Variants in RPS6KA4 observed in about 807,000 individuals in gnomAD.
RPS6KA4 encodes ribosomal protein S6 kinase alpha-4.
In RPS6KA4, 38 loss-of-function variants were observed where a neutral mutation model predicts 89.6. That is an observed-to-expected ratio of 0.42 (90% CI 0.33 to 0.56). RPS6KA4 has a LOEUF of 0.56. Ranked by LOEUF, RPS6KA4 falls within the 20% of genes least tolerant of loss-of-function variation. The probability of loss-of-function intolerance (pLI) is 0.07; values close to 1 mark genes in which losing one functional copy is unlikely to be tolerated. For missense variants in RPS6KA4, 873 were observed against 1,098.8 expected (o/e 0.79, Z 2.90); for synonymous variants, 495 against 492.8 (o/e 1.00, Z -0.06).
rs1017388898 is a variant in RPS6KA4 at position 64,370,694 on chromosome 11, G to A, written c.2089G>A (p.Ala697Thr). Residue 697 changes from alanine to threonine, a missense_variant, in exon 16 of 17, where the codon GCA becomes ACA. Physicochemically the swap from Ala to Thr is moderately conservative, Grantham distance 58. Transcript: ENST00000334205. The surrounding 1 kb of genome is among the most constrained non-coding windows in gnomAD (Gnocchi z 4.1). ...CGACGTGCTCGAGTCCTCTGGGCCC[G>A]CAGTGCGCTCGGGTCTCAACGCCAC... The part of the protein sequence containing the change: ...TPDVLESSGP[A>T]VRSGLNATFM... 2.5e-6 allele frequency: 4 copies of A among 1,569,672 alleles called. No homozygotes were observed. Among genetic ancestry groups the A allele is most frequent in the Non-Finnish European group, 3.4e-6 (4 of 1,163,258 alleles).
intron 2 of RPS6KA4, 46 bp downstream of exon 2, chr11:64,359,495 C>T: frequency 5.0e-6 from 8 of 1,594,124 alleles, no homozygotes; most frequent in Non-Finnish European, 6.0e-6. Flanking sequence ...CGCGGTGCCC[C>T]TGACCTCCTG....
chr11:64,359,579 T>C, intron 2 of RPS6KA4, 130 bp downstream of exon 2: 1 of 904,224 alleles, frequency 1.1e-6, no homozygotes, highest in Non-Finnish European at 1.7e-6. Flanking sequence ...CTGCCTTGCC[T>C]GCCCCGCCCT....
chr11:64,360,413 G>T, intron 3 of RPS6KA4, 32 bp downstream of exon 3: 1 of 1,565,680 alleles, frequency 6.4e-7, no homozygotes, highest in Non-Finnish European at 8.7e-7. Flanking sequence ...ACGGGGTTGG[G>T]GTGGCTGGGG....
rs2036757719 is a variant in RPS6KA4, at chr11:64,361,784, C to T, written c.755+39C>T. Reference sequence around the variant, plus strand: ...GACGTGGAGGGCGGCCAGAGGGCTGCAGGGCCTGCCTGGGCAGGGCTGTGG... The same window carrying T: ...GACGTGGAGGGCGGCCAGAGGGCTGTAGGGCCTGCCTGGGCAGGGCTGTGG... On this transcript the variant is annotated intron_variant, in intron 7 of 16. Coordinates refer to ENST00000334205, the MANE Select transcript of RPS6KA4 (RefSeq NM_003942.3). The surrounding 1 kb of genome is among the most constrained non-coding windows in gnomAD (Gnocchi z 4.7). The T allele has an allele frequency of 1.9e-6, 3 of 1,586,012 alleles. No homozygotes were observed. The highest frequency in any genetic ancestry group is 1.7e-6 in the Non-Finnish European group (2 of 1,168,510).
At position 64,359,359 on chromosome 11, in the gene RPS6KA4, T is replaced by A; in HGVS notation, c.56-19T>A. 2 of 1,612,158 alleles carry A rather than the reference T, an allele frequency of 1.2e-6. No individual in the cohort carries two copies. The highest frequency in any genetic ancestry group is 1.7e-6 in the Non-Finnish European group (2 of 1,179,484). On this transcript the variant is annotated intron_variant, in intron 1 of 16. Transcript: ENST00000334205. Reference sequence around the variant, plus strand: ...CGGGTCATGGACCGGCTGGGCTCATTCGCCCCCTGTGCCCACAGCCAACCT... The same window carrying A: ...CGGGTCATGGACCGGCTGGGCTCATACGCCCCCTGTGCCCACAGCCAACCT...
chr11:64,371,270 T>G lies in RPS6KA4; in HGVS notation c.2122-13T>G. ...GGCGGGGGTGGGGGCACTCACCCTTTCCTTTCTGCCAGGCATTCAACCGGG... is the reference window on the plus strand; with the variant it reads ...GGCGGGGGTGGGGGCACTCACCCTTGCCTTTCTGCCAGGCATTCAACCGGG... On this transcript the variant is annotated splice_polypyrimidine_tract_variant and intron_variant, in intron 16 of 16. Transcript: ENST00000334205. 1 of 1,611,878 alleles carries G rather than the reference T, an allele frequency of 6.2e-7. No homozygotes were observed. The highest frequency in any genetic ancestry group is 8.5e-7 in the Non-Finnish European group (1 of 1,179,420).
rs1042987657 is a variant in RPS6KA4 at position 64,371,704 on chromosome 11, G to A, written c.*224G>A. ...AAGGGGGGGCCTGCTGGGGAGTGGG[G>A]TTTGGGGGGCCCTCTCCCAGGACAC... is the stretch of plus-strand genomic sequence containing the variant. On this transcript the variant is annotated 3_prime_UTR_variant, in exon 17 of 17. Coordinates refer to ENST00000334205, the MANE Select transcript of RPS6KA4 (RefSeq NM_003942.3). 2.1e-6 allele frequency: 1 copy of A among 465,760 alleles called. No individual in the cohort carries two copies. The highest frequency in any genetic ancestry group is 2.0e-5 in the African/African-American group (1 of 49,242). The allele number at this position is 465,760 out of a possible 1,614,324, so 28.9% of individuals were successfully genotyped here. A position where few individuals can be genotyped will look rare whatever the true frequency, so the allele number is the denominator to read the frequency against.
intron 3 of RPS6KA4, 25 bp downstream of exon 3, chr11:64,360,406 G>T (rs554467937): frequency 9.0e-6 from 14 of 1,561,076 alleles, no homozygotes; most frequent in Middle Eastern, 1.7e-4. Context: ...CATCCCAACG[G>T]GGTTGGGGTG....
At chr11:64,367,483 G>T (rs1481728830) in intron 9 of RPS6KA4, among the ~76,000 whole-genome samples, 1 of 152,138 alleles carries the variant, frequency 6.6e-6, no homozygotes, top group Admixed American at 6.6e-5. Flanking sequence ...GCTAATTTTT[G>T]TATTATTAGT....
chr11:64,362,773 C>T (rs184299243), intron 8 of RPS6KA4, among the ~76,000 whole-genome samples: 9 of 152,304 alleles, frequency 5.9e-5, no homozygotes, highest in South Asian at 2.1e-4. Context: ...GGGGTTCAAG[C>T]GATTTTCCTG....
intron 8 of RPS6KA4, among the ~76,000 whole-genome samples, chr11:64,362,352 C>T (rs553196055): frequency 6.6e-6 from 1 of 152,352 alleles, no homozygotes; most frequent in Admixed American, 6.5e-5. Context: ...GATAGATCTC[C>T]TGCTGGTCCA....
chr11:64,368,219 C>T lies in RPS6KA4; in HGVS notation c.1159C>T (p.Arg387Trp), dbSNP rs151034403. The T allele has an allele frequency of 3.0e-4, 486 of 1,613,574 alleles. 3 individuals are homozygous for T. Among genetic ancestry groups the T allele is most frequent in the Non-Finnish European group, 2.3e-4 (271 of 1,180,012 alleles). Residue 387 changes from arginine (R) to tryptophan (W), a missense_variant, in exon 10 of 17, where the codon CGG becomes TGG. Transcript: ENST00000334205. The stretch of plus-strand genomic sequence containing the variant: ...GCTGGAAGCGCCTGGTGCTGGAGAC[C>T]GGCCAGGTCGGGCAGCGGTGGCCAG... ...DGLEAPGAGD[R>W]PGRAAVARSA... is the part of the protein sequence containing the mutation.
At chr11:64,371,152 G>T (rs1324652040) in intron 16 of RPS6KA4, 131 bp from the exon 17 acceptor site, 2 of 754,936 alleles carry the variant, frequency 2.6e-6, no homozygotes, top group South Asian at 1.8e-5. Context: ...TCCGGTGGTC[G>T]GTCTGGAGGC....
At position 64,370,027 on chromosome 11, in the gene RPS6KA4, G is replaced by A; in HGVS notation, c.1797+134G>A. The A allele has an allele frequency of 1.7e-6, 2 of 1,155,382 alleles. No individual in the cohort carries two copies. The highest frequency in any genetic ancestry group is 2.4e-6 in the Non-Finnish European group (2 of 845,354). 71.6% of individuals were successfully genotyped at this position (1,155,382 alleles called of 1,614,324 possible). A position where few individuals can be genotyped will look rare whatever the true frequency, so the allele number is the denominator to read the frequency against. ...GGGTTTCGTCCGAAGCTGGGATCGG[G>A]GTGGTTCAAATACAGAGGTGGGGTC... On this transcript the variant is annotated intron_variant, in intron 14 of 16. Transcript: ENST00000334205. The surrounding 1 kb of genome is among the most constrained non-coding windows in gnomAD (Gnocchi z 4.1).
chr11:64,369,661 G>C (rs375995144), intron 13 of RPS6KA4, 38 bp from the exon 14 acceptor site: 2 of 1,599,330 alleles, frequency 1.3e-6, no homozygotes, highest in African/African-American at 1.3e-5. Flanking sequence ...CGGTGGCGCC[G>C]GGGGCTGCCT....
chr11:64,368,372 TA>T (rs919494264), intron 10 of RPS6KA4, 95 bp from the exon 11 acceptor site: 10 of 1,545,368 alleles, frequency 6.5e-6, no homozygotes, highest in African/African-American at 1.4e-5. Flanking sequence ...AGCAAGGTCC[TA>T]AGCCTCTCCG....
In RPS6KA4 at chr11:64,365,443, C is replaced by T. The variant is rs141809902; in HGVS notation, c.1049C>T (p.Pro350Leu). 3.5e-4 allele frequency: 570 copies of T among 1,613,982 alleles called. 2 individuals carry two copies. The African/African-American group carries it at 6.3e-3, about 18-fold the overall frequency. Reference sequence around the variant, plus strand: ...TACTCACCCCCTGGCAGCCCCCCACCTGGGGACCCCCGAATCTTTCAGGTG... The same window carrying T: ...TACTCACCCCCTGGCAGCCCCCCACTTGGGGACCCCCGAATCTTTCAGGTG... ...PVYSPPGSPPPGDPRIFQGYS... is the reference protein window; with the variant it reads ...PVYSPPGSPPLGDPRIFQGYS... The change falls in exon 9 of 17, where the codon CCT becomes CTT. Residue 350 changes from proline (P) to leucine (L), a missense_variant. Physicochemically the swap from Pro to Leu is moderately conservative, Grantham distance 98. Coordinates refer to ENST00000334205, the MANE Select transcript of RPS6KA4 (RefSeq NM_003942.3).
In RPS6KA4 at chr11:64,369,718, A is replaced by G. The variant is rs946014920; in HGVS notation, c.1622A>G (p.Asp541Gly). ...TCGCAGAACATCCTGTACGCCGACGACACGCCCGGGGCCCCGGTGAAAATC... is the reference window on the plus strand; with the variant it reads ...TCGCAGAACATCCTGTACGCCGACGGCACGCCCGGGGCCCCGGTGAAAATC... ...LKPENILYAD[D>G]TPGAPVKIID... The change falls in exon 14 of 17, where the codon GAC (aspartate) becomes GGC (glycine). Residue 541 changes from aspartate (D) to glycine (G), a missense_variant. This residue lies in a region of RPS6KA4 where 542 missense variants were observed against 736.4 expected (regional missense o/e 0.74). Transcript: ENST00000334205. 15 of 1,609,170 alleles carry G rather than the reference A, an allele frequency of 9.3e-6. No homozygotes were observed. In the Admixed American group the frequency reaches 1.0e-4, roughly 11 times the overall value.
intron 9 of RPS6KA4, among the ~76,000 whole-genome samples, chr11:64,366,018 G>A (rs2036871754): frequency 6.6e-6 from 1 of 151,046 alleles, no homozygotes; most frequent in African/African-American, 2.4e-5. Flanking sequence ...CAGGTTGGGC[G>A]ACTGAGTGAA....
Sources: allele counts gnomAD v4.1 joint callset (sites outside exome capture counted in the v4.1 genomes callset), GRCh38; gene constraint gnomAD v4.1.1; regional missense constraint gnomAD v4.1.1; non-coding constraint Gnocchi (gnomAD v3.1); transcripts MANE v1.5; gene names NCBI Gene and HGNC (gene_info 2026-07-23, HGNC 2026-07-21).